VEGFA: variants seen among roughly 807,000 people sequenced by gnomAD.
VEGFA encodes the protein vascular endothelial growth factor A, long form.
VEGFA carries 20 observed loss-of-function variants against 49.7 expected under a neutral mutation model. The observed-to-expected ratio is 0.40, with a 90% CI of 0.28 to 0.58. The LOEUF (loss-of-function observed/expected upper bound fraction) is 0.58. Ranked by LOEUF, VEGFA falls within the 20% of genes least tolerant of loss-of-function variation. The pLI is 0.40. For missense variants in VEGFA, 505 were observed against 553.5 expected (o/e 0.91, Z 0.88); for synonymous variants, 219 against 223.4 (o/e 0.98, Z 0.18).
Position 43,777,728 on chromosome 6 carries a change from G to C in VEGFA, c.855+63G>C. 6.7e-7 allele frequency: 1 copy of C among 1,485,206 alleles called. No homozygotes were observed. The highest frequency in any genetic ancestry group is 9.1e-7 in the Non-Finnish European group (1 of 1,098,262). The allele number at this position is 1,485,206 out of a possible 1,614,324, so 92.0% of individuals were successfully genotyped here. A position where few individuals can be genotyped will look rare whatever the true frequency, so the allele number is the denominator to read the frequency against. The stretch of plus-strand genomic sequence containing the variant: ...GGAGGGGGGTAACACTTTGGGAACA[G>C]GTGGTCCCAGGTCGTTTCCTGGCTA... On this transcript the variant is annotated intron_variant, in intron 3 of 7. Coordinates refer to ENST00000672860, the MANE Select transcript of VEGFA (RefSeq NM_003376.6). This position sits in a 1 kb window ranked among gnomAD's most constrained non-coding sequence, Gnocchi z 4.3.
At chr6:43,774,160 A>G (rs1273566339) in intron 1 of VEGFA, 181 bp from the exon 2 acceptor site, 3 of 675,362 alleles carry the variant, frequency 4.4e-6, no homozygotes, top group Non-Finnish European at 8.1e-6. Context: ...GCAGTCCAGG[A>G]GTGGTGGGCA....
chr6:43,784,834 T>G lies in VEGFA; in HGVS notation c.*272T>G, dbSNP rs1378787222. The G allele has an allele frequency of 1.6e-6, 1 of 618,542 alleles. No individual in the cohort carries two copies. Among genetic ancestry groups the G allele is most frequent in the Non-Finnish European group, 2.9e-6 (1 of 345,772 alleles). 38.3% of individuals were successfully genotyped at this position (618,542 alleles called of 1,614,324 possible). ...TGGAATTGGATTCGCCATTTTATTT[T>G]TCTTGCTGCTAAATCACCGAGCCCG... is the stretch of plus-strand genomic sequence containing the variant. On this transcript the variant is annotated 3_prime_UTR_variant, in exon 8 of 8. Coordinates refer to ENST00000672860, the MANE Select transcript of VEGFA (RefSeq NM_003376.6).
intron 1 of VEGFA, chr6:43,772,013 C>T (rs1454342747): frequency 1.7e-5 from 17 of 985,248 alleles, no homozygotes; most frequent in African/African-American, 8.7e-5. Context: ...CGCGTGTTCC[C>T]GGAGCCTCGG....
At chr6:43,783,567 CT>C (rs780086133) in intron 7 of VEGFA, 7 of 152,562 alleles carry the variant, frequency 4.6e-5, no homozygotes, top group Non-Finnish European at 7.3e-5. Flanking sequence ...GATTATTCTG[CT>C]GATGGGGGTT....
At chr6:43,774,505 A>G (rs939754067) in intron 2 of VEGFA, 113 bp downstream of exon 2, 13 of 1,285,498 alleles carry the variant, frequency 1.0e-5, no homozygotes, top group Middle Eastern at 1.9e-4. Context: ...GCACAGGAAT[A>G]TAAGGATCAA....
At chr6:43,784,402 AC>A in intron 7 of VEGFA, 138 bp from the exon 8 acceptor site, 1 of 864,850 alleles carries the variant, frequency 1.2e-6, no homozygotes. Flanking sequence ...CCAGGACCAC[AC>A]CTTCCTGTCC....
At chr6:43,780,669 C>G (rs1224529891) in intron 5 of VEGFA, 63 bp from the exon 6 acceptor site, 3 of 1,561,786 alleles carry the variant, frequency 1.9e-6, no homozygotes, top group African/African-American at 2.7e-5. Flanking sequence ...GCCCACCTTA[C>G]CACTTCTTTT....
Position 43,784,556 on chromosome 6 carries a change from G to A in VEGFA, c.1182G>A (p.Arg394=), listed in dbSNP as rs144772480. Reference sequence around the variant, plus strand: ...TTTCCCTCAGATGTGACAAGCCGAGGCGGTGAGCCGGGCAGGAGGAAGGAG... The same window carrying A: ...TTTCCCTCAGATGTGACAAGCCGAGACGGTGAGCCGGGCAGGAGGAAGGAG... Residue 394 remains arginine, a synonymous_variant, in exon 8 of 8, where the codon AGG becomes AGA. Coordinates refer to ENST00000672860, the MANE Select transcript of VEGFA (RefSeq NM_003376.6). 2.1e-4 allele frequency: 335 copies of A among 1,614,100 alleles called. No homozygotes were observed. Among genetic ancestry groups the A allele is most frequent in the Non-Finnish European group, 2.6e-4 (307 of 1,180,052 alleles).
At position 43,778,686 on chromosome 6, in the gene VEGFA, A is replaced by G. The variant is rs3025048; in HGVS notation, c.932+150A>G. 4,581 of 1,032,220 alleles carry G rather than the reference A, an allele frequency of 4.4e-3. 17 individuals carry two copies. Among genetic ancestry groups the G allele is most frequent in the Non-Finnish European group, 6.0e-3 (4,070 of 674,052 alleles). 63.9% of individuals were successfully genotyped at this position (1,032,220 alleles called of 1,614,324 possible). ...TACTTCAATGTGCCTCAGTTTCTAC[A>G]TCTGTAAAATGGGCACAATAGTAGT... On this transcript the variant is annotated intron_variant, in intron 4 of 7. Coordinates refer to ENST00000672860, the MANE Select transcript of VEGFA (RefSeq NM_003376.6).
In VEGFA at chr6:43,777,518, G is replaced by A. The variant is rs200030087; in HGVS notation, c.708G>A (p.Glu236=). 8.3e-5 allele frequency: 134 copies of A among 1,614,202 alleles called. No individual in the cohort carries two copies. The East Asian group carries it at 2.9e-3, about 35-fold the overall frequency. The change falls in exon 3 of 8, where the codon GAG becomes GAA. Residue 236 remains glutamate (E), a synonymous_variant. Coordinates refer to ENST00000672860, the MANE Select transcript of VEGFA (RefSeq NM_003376.6). This position sits in a 1 kb window ranked among gnomAD's most constrained non-coding sequence, Gnocchi z 4.3. ...AGCGCAGCTACTGCCATCCAATCGA[G>A]ACCCTGGTGGACATCTTCCAGGAGT...
chr6:43,774,719 C>T (rs1582481357), intron 2 of VEGFA: 4 of 483,410 alleles, frequency 8.3e-6, no homozygotes, highest in South Asian at 2.2e-5. Context: ...CCTTGTTTCC[C>T]CTAGCTCCCA....
chr6:43,784,400 A>C, intron 7 of VEGFA, 141 bp from the exon 8 acceptor site: 3 of 858,618 alleles, frequency 3.5e-6, no homozygotes, highest in Non-Finnish European at 6.0e-6. Context: ...CCCCAGGACC[A>C]CACCTTCCTG....
At chr6:43,779,457 G>A in intron 5 of VEGFA, 1 of 352,864 alleles carries the variant, frequency 2.8e-6, no homozygotes, top group South Asian at 2.6e-5. Flanking sequence ...CATTTTCAGA[G>A]GCTTGTGAGT....
At chr6:43,781,663 G>C (rs928659370) in intron 6 of VEGFA, 1 of 402,276 alleles carries the variant, frequency 2.5e-6, no homozygotes, top group African/African-American at 2.1e-5. Flanking sequence ...TGTGGCCTGA[G>C]ACTCACCCTT....
chr6:43,781,215 G>T, intron 6 of VEGFA: 1 of 393,746 alleles, frequency 2.5e-6, no homozygotes, highest in South Asian at 2.3e-5. Flanking sequence ...CATGGCCCAA[G>T]AAGGGCTGTG....
chr6:43,775,984 G>C (rs1765276807), intron 2 of VEGFA: 1 of 152,062 alleles, frequency 6.6e-6, no homozygotes, highest in Non-Finnish European at 1.5e-5. Flanking sequence ...GGAGGAGTGA[G>C]GGGGAGGCTC....
Position 43,784,489 on chromosome 6 carries a change from C to T in VEGFA, c.1167-52C>T, listed in dbSNP as rs561526696. The T allele has an allele frequency of 1.9e-6, 3 of 1,598,884 alleles. No individual in the cohort carries two copies. In the South Asian group the frequency reaches 3.3e-5, roughly 18 times the overall value. ...ATGGGGAGGCCGCCTGCCTCATCGC[C>T]AGGCCTCCTCACTTGGCCCTAACCC... On this transcript the variant is annotated intron_variant, in intron 7 of 7. Transcript: ENST00000672860.
In VEGFA at chr6:43,778,462, T is replaced by A. The variant is rs144663885; in HGVS notation, c.858T>A (p.Ile286=). 3.3e-5 allele frequency: 54 copies of A among 1,614,008 alleles called. No homozygotes were observed. Among genetic ancestry groups the A allele is most frequent in the Non-Finnish European group, 4.3e-5 (51 of 1,179,990 alleles). Residue 286 remains isoleucine, a splice_region_variant and synonymous_variant, in exon 4 of 8, where the codon ATT becomes ATA. Transcript: ENST00000672860. ...TGATCTGCTTCCTTCCTTTCCAGAT[T>A]ATGCGGATCAAACCTCACCAAGGCC... is the stretch of plus-strand genomic sequence containing the variant.
chr6:43,780,512 G>A (rs571688706), intron 5 of VEGFA: 30 of 616,372 alleles, frequency 4.9e-5, no homozygotes, highest in South Asian at 3.2e-4. Flanking sequence ...GGTGGGCAGC[G>A]TGAGGAGAAG....
Sources: gnomAD v4.1 joint callset for allele counts on GRCh38, gnomAD v4.1.1 for gene constraint, Gnocchi (gnomAD v3.1) non-coding constraint, MANE v1.5 for transcripts, NCBI Gene and HGNC (gene_info 2026-07-23, HGNC 2026-07-21) for gene names.